The following OGDH variants were observed in gnomAD, a reference collection of about 807,000 sequenced individuals.
OGDH encodes 2-oxoglutarate dehydrogenase complex component E1.
In OGDH, 38 loss-of-function variants were observed where a neutral mutation model predicts 116.6. The ratio of observed to expected loss-of-function variants is 0.33; its 90% CI spans 0.25 to 0.43. The LOEUF (loss-of-function observed/expected upper bound fraction) is 0.43. OGDH is among the 20% of genes least tolerant of loss of function. The pLI is 1.00. For synonymous variants in OGDH, 488 were observed against 533.3 expected (o/e 0.92, Z 1.17); for missense variants, 825 against 1,357.2 (o/e 0.61, Z 6.16).
At chr7:44,680,971 CG>C in intron 9 of OGDH, among the ~76,000 whole-genome samples, 1 of 152,284 alleles carries the variant, frequency 6.6e-6, no homozygotes, top group Non-Finnish European at 1.5e-5. Flanking sequence ...CATACTAACA[CG>C]AGTAAATAAA....
chr7:44,652,704 A>G (rs1187013978), intron 4 of OGDH, among the ~76,000 whole-genome samples: 1 of 152,052 alleles, frequency 6.6e-6, no homozygotes, highest in Non-Finnish European at 1.5e-5. Context: ...CCCAGCTGAC[A>G]TGTATTAAAT....
At chr7:44,698,014 G>C (rs534384433) in intron 17 of OGDH, among the ~76,000 whole-genome samples, 178 bp from the exon 18 acceptor site, 1 of 152,204 alleles carries the variant, frequency 6.6e-6, no homozygotes, top group Non-Finnish European at 1.5e-5. Context: ...ATGCACAGGC[G>C]TCCAAGTGTG....
chr7:44,619,093 G>A (rs1784912007), intron 1 of OGDH, among the ~76,000 whole-genome samples: 1 of 152,230 alleles, frequency 6.6e-6, no homozygotes, highest in Non-Finnish European at 1.5e-5. Flanking sequence ...TTCCTGGAGG[G>A]TGGCATGCCT....
At chr7:44,616,775 G>GTGTATATGCATATATATATGTGTA (rs1784796031) in intron 1 of OGDH, among the ~76,000 whole-genome samples, 1 of 140,330 alleles carries the variant, frequency 7.1e-6, no homozygotes, top group Non-Finnish European at 1.5e-5. Flanking sequence ...ACACGTATAT[G>GTGTATATGCATATATATATGTGTA]TGTATATGCA....
At chr7:44,657,336 G>C (rs1786735113) in intron 4 of OGDH, among the ~76,000 whole-genome samples, 2 of 152,212 alleles carry the variant, frequency 1.3e-5, no homozygotes, top group Non-Finnish European at 2.9e-5. Context: ...TATTATAAAT[G>C]TAGAATCACA....
chr7:44,696,906 C>G lies in OGDH; in HGVS notation c.1901-8C>G, dbSNP rs371133064. The G allele has an allele frequency of 1.2e-5, 19 of 1,601,492 alleles. No individual in the cohort carries two copies. The African/African-American group carries it at 1.9e-4, about 16-fold the overall frequency. On this transcript the variant is annotated splice_region_variant and splice_polypyrimidine_tract_variant and intron_variant, in intron 14 of 22. Transcript: ENST00000222673. ...CTGCAGCAGCTGGTGAGAGCTGTGT[C>G]TCTGCAGGGCTGAGCCGGATCTTGA...
At chr7:44,624,681 C>T (rs771869867) in intron 2 of OGDH, 116 bp downstream of exon 2, 15 of 855,046 alleles carry the variant, frequency 1.8e-5, no homozygotes, top group South Asian at 2.9e-5. Flanking sequence ...GCAGCTGGAG[C>T]GCCATACCAA....
chr7:44,707,302 T>C lies in OGDH; in HGVS notation c.2710T>C (p.Cys904Arg). The C allele has an allele frequency of 1.9e-6, 3 of 1,614,290 alleles. No individual in the cohort carries two copies. The highest frequency in any genetic ancestry group is 2.5e-6 in the Non-Finnish European group (3 of 1,180,056). ...AGAAAATGTCAAAAGGCTTCTCTTC[T>C]GCACCGGCAAAGTGTATTATGACCT... is the stretch of plus-strand genomic sequence containing the variant. ...NPENVKRLLFCTGKVYYDLTR... is the reference protein window; with the variant it reads ...NPENVKRLLFRTGKVYYDLTR... Residue 904 changes from cysteine to arginine, a missense_variant, in exon 21 of 23, where the codon TGC becomes CGC. Physicochemically the swap from Cys to Arg is radical, Grantham distance 180. This residue lies in a region of OGDH where 212 missense variants were observed against 284.3 expected (regional missense o/e 0.75). Transcript: ENST00000222673. This position sits in a 1 kb window ranked among gnomAD's most constrained non-coding sequence, Gnocchi z 5.2.
chr7:44,691,888 C>G (rs1161517666), intron 10 of OGDH, among the ~76,000 whole-genome samples: 1 of 146,676 alleles, frequency 6.8e-6, no homozygotes, highest in African/African-American at 2.6e-5. Context: ...GAGGCTGAGG[C>G]AGGAGAATGG....
In OGDH at chr7:44,697,005, C is replaced by T. The variant is rs764089530; in HGVS notation, c.1992C>T (p.Leu664=). 1.2e-6 allele frequency: 2 copies of T among 1,614,188 alleles called. No homozygotes were observed. The highest frequency in any genetic ancestry group is 1.7e-6 in the Non-Finnish European group (2 of 1,180,040). Residue 664 remains leucine (L), a synonymous_variant, in exon 15 of 23, where the codon CTC becomes CTT. Transcript: ENST00000222673. This position sits in a 1 kb window ranked among gnomAD's most constrained non-coding sequence, Gnocchi z 6.0. ...CGGAGTACATGGCGTTTGGCTCGCT[C>T]CTGAAGGAGGGCATCCACATTCGGC... is the stretch of plus-strand genomic sequence containing the variant. ...ALAEYMAFGS[L]LKEGIHIRLS...
chr7:44,647,776 A>C lies in OGDH; in HGVS notation c.517+17A>C, dbSNP rs1398873020. 1 of 1,604,454 alleles carries C rather than the reference A, an allele frequency of 6.2e-7. No individual in the cohort carries two copies. The highest frequency in any genetic ancestry group is 1.7e-5 in the Admixed American group (1 of 59,980). The stretch of plus-strand genomic sequence containing the variant: ...ACAAACTTGGTGAGGGTCTGAGAGC[A>C]GTCAGCTGCGTTGCTTGAGCTCCTC... On this transcript the variant is annotated intron_variant, in intron 4 of 22. Transcript: ENST00000222673.
Position 44,673,921 on chromosome 7 carries a change from C to T in OGDH, c.768C>T (p.Ala256=), listed in dbSNP as rs761573595. 1 of 1,614,214 alleles carries T rather than the reference C, an allele frequency of 6.2e-7. No individual in the cohort carries two copies. Among genetic ancestry groups the T allele is most frequent in the South Asian group, 1.1e-5 (1 of 91,080 alleles). The change falls in exon 6 of 23, where the codon GCC becomes GCT. Residue 256 remains alanine (A), a synonymous_variant. Coordinates refer to ENST00000222673, the MANE Select transcript of OGDH (RefSeq NM_002541.4). The part of the protein sequence containing the change: ...FTNEEKRTLL[A]RLVRSTRFEE... ...ATGAGGAGAAACGGACCCTGCTGGC[C>T]AGGCTTGTGCGGTCCACCAGGTATG...
At chr7:44,652,952 A>G (rs1786518469) in intron 4 of OGDH, among the ~76,000 whole-genome samples, 1 of 152,152 alleles carries the variant, frequency 6.6e-6, no homozygotes, top group South Asian at 2.1e-4. Flanking sequence ...ATATTGCAAA[A>G]CACTAGAACC....
At chr7:44,680,880 C>T (rs1347428344) in intron 9 of OGDH, among the ~76,000 whole-genome samples, 1 of 152,150 alleles carries the variant, frequency 6.6e-6, no homozygotes, top group Non-Finnish European at 1.5e-5. Flanking sequence ...GCTGCTCTCC[C>T]TATCAACCTG....
At chr7:44,649,018 C>T (rs922863601) in intron 4 of OGDH, among the ~76,000 whole-genome samples, 3 of 152,034 alleles carry the variant, frequency 2.0e-5, no homozygotes, top group African/African-American at 7.2e-5. Flanking sequence ...CTGGCACCCC[C>T]AGTCCCATCA....
intron 4 of OGDH, among the ~76,000 whole-genome samples, chr7:44,654,163 T>G (rs1786583145): frequency 2.0e-5 from 3 of 152,262 alleles, no homozygotes; most frequent in Admixed American, 6.5e-5. Context: ...TGAGATGTAC[T>G]TTAATGTGAG....
intron 8 of OGDH, 55 bp downstream of exon 8, chr7:44,675,323 C>G (rs1270309977): frequency 1.2e-5 from 17 of 1,378,820 alleles, no homozygotes; most frequent in Non-Finnish European, 1.6e-5. Flanking sequence ...CACAAGACCC[C>G]TGGCTCCACT....
At chr7:44,628,838 T>C (rs946859679) in intron 2 of OGDH, among the ~76,000 whole-genome samples, 6 of 152,114 alleles carry the variant, frequency 3.9e-5, no homozygotes, top group Admixed American at 6.5e-5. Flanking sequence ...GAGCTGCAAG[T>C]ACCTTTTTTA....
chr7:44,624,442 A>G lies in OGDH; in HGVS notation c.99A>G (p.Thr33=), dbSNP rs779538276. ...FSQNRPAAAR[T]FQQIRCYSAP... ...AAAACAGACCAGCAGCAGCTAGGAC[A>G]TTTCAACAGATTCGGTGCTATTCTG... The change falls in exon 2 of 23, where the codon ACA becomes ACG. Residue 33 remains threonine, a synonymous_variant. Coordinates refer to ENST00000222673, the MANE Select transcript of OGDH (RefSeq NM_002541.4). 7 of 1,613,618 alleles carry G rather than the reference A, an allele frequency of 4.3e-6. No homozygotes were observed. Among genetic ancestry groups the G allele is most frequent in the Non-Finnish European group, 5.9e-6 (7 of 1,179,976 alleles).
Sources: gnomAD v4.1 joint callset for allele counts (sites outside exome capture counted in the v4.1 genomes callset) on GRCh38, gnomAD v4.1.1 for gene constraint, gnomAD v4.1.1 regional missense constraint, Gnocchi (gnomAD v3.1) non-coding constraint, MANE v1.5 for transcripts, NCBI Gene and HGNC (gene_info 2026-07-23, HGNC 2026-07-21) for gene names.